The following NAV2 variants were observed in gnomAD, a reference collection of about 807,000 sequenced individuals.
The protein encoded by NAV2 is neuron navigator 2.
Under a neutral mutation model 223.2 loss-of-function variants are expected in NAV2, and 54 were observed. That is an observed-to-expected ratio of 0.24 (90% CI 0.19 to 0.30). NAV2 has a LOEUF of 0.30. NAV2 is among the 10% of genes least tolerant of loss of function. The pLI is 1.00. For missense variants in NAV2, 2,806 were observed against 3,147.5 expected, an observed-to-expected ratio of 0.89 and a Z score of 2.60; for synonymous variants, 1,279 against 1,239.3, an observed-to-expected ratio of 1.03 and a Z score of -0.67.
At chr11:19,461,892 G>GC (rs1194632318) in intron 1 of NAV2, among the ~76,000 whole-genome samples, 1 of 152,132 alleles carries the variant, frequency 6.6e-6, no homozygotes, top group Non-Finnish European at 1.5e-5. Flanking sequence ...TGCACCCTCC[G>GC]CCTCCCGGAT....
intron 24 of NAV2, among the ~76,000 whole-genome samples, 176 bp downstream of exon 24, chr11:20,078,280 A>G (rs746128813): frequency 5.3e-5 from 8 of 152,236 alleles, no homozygotes; most frequent in Admixed American, 6.5e-5. Context: ...TCTGGCCTCT[A>G]CAAAGATGGC....
upstream of NAV2, among the ~76,000 whole-genome samples, chr11:19,346,297 T>A (rs1853002368): frequency 6.6e-6 from 1 of 152,264 alleles, no homozygotes; most frequent in Admixed American, 6.5e-5. Flanking sequence ...GCCTCTTTGC[T>A]GTGCCTGTCT....
At chr11:19,415,637 AC>A (rs1177997124) in intron 1 of NAV2, among the ~76,000 whole-genome samples, 5 of 152,200 alleles carry the variant, frequency 3.3e-5, no homozygotes, top group Admixed American at 3.3e-4. Context: ...CAGAGACACA[AC>A]AAAAAAAGAA....
chr11:19,674,419 T>C (rs951611070), intron 1 of NAV2, among the ~76,000 whole-genome samples: 1 of 151,958 alleles, frequency 6.6e-6, no homozygotes, highest in African/African-American at 2.4e-5. Context: ...CAAGTAGCAA[T>C]TTTTTTTCAA....
At chr11:19,421,275 A>G (rs1019374245) in intron 1 of NAV2, among the ~76,000 whole-genome samples, 5 of 152,300 alleles carry the variant, frequency 3.3e-5, no homozygotes, top group African/African-American at 9.6e-5. Flanking sequence ...CCAGGTTCCC[A>G]TCACACAGCT....
chr11:19,525,900 C>T (rs372705171), intron 1 of NAV2, among the ~76,000 whole-genome samples: 7 of 152,110 alleles, frequency 4.6e-5, no homozygotes, highest in African/African-American at 1.7e-4. Flanking sequence ...AACCAGTCTT[C>T]AGGCTTAGGG....
chr11:19,605,681 G>A (rs772526003), intron 1 of NAV2, among the ~76,000 whole-genome samples: 28 of 152,084 alleles, frequency 1.8e-4, no homozygotes, highest in Non-Finnish European at 3.4e-4. Context: ...ATAGGCAGCC[G>A]CACTGCCTCC....
intron 1 of NAV2, among the ~76,000 whole-genome samples, chr11:19,525,217 G>T (rs1463693281): frequency 6.6e-6 from 1 of 152,224 alleles, no homozygotes; most frequent in Non-Finnish European, 1.5e-5. Flanking sequence ...CTGGGCCCCA[G>T]AGAGGTGCAC....
At chr11:19,463,479 G>A (rs554152323) in intron 1 of NAV2, among the ~76,000 whole-genome samples, 6 of 152,234 alleles carry the variant, frequency 3.9e-5, no homozygotes, top group African/African-American at 1.2e-4. Flanking sequence ...CATTCAGACA[G>A]CACTGCCAGG....
Position 20,097,858 on chromosome 11 carries a change from C to T in NAV2, c.6181+113C>T, listed in dbSNP as rs977638330. The stretch of plus-strand genomic sequence containing the variant: ...TGTTTGTGCATGTATTTGTGGGCTG[C>T]TTGTCTCCCTTCTACCACAGTTACT... On this transcript the variant is annotated intron_variant, in intron 31 of 37. Coordinates refer to ENST00000349880, the MANE Select transcript of NAV2 (RefSeq NM_145117.5). The T allele has an allele frequency of 6.5e-6, 6 of 921,356 alleles. No individual in the cohort carries two copies. In the African/African-American group the frequency reaches 1.0e-4, roughly 15 times the overall value. 57.1% of individuals were successfully genotyped at this position (921,356 alleles called of 1,614,324 possible).
intron 1 of NAV2, among the ~76,000 whole-genome samples, chr11:19,639,869 A>G (rs960658356): frequency 2.0e-5 from 3 of 152,162 alleles, no homozygotes; most frequent in African/African-American, 7.2e-5. Context: ...CCCCCCTAGA[A>G]ACTGGTAGCA....
intron 1 of NAV2, among the ~76,000 whole-genome samples, chr11:19,820,382 C>A (rs2059308630): frequency 6.6e-6 from 1 of 152,218 alleles, no homozygotes; most frequent in African/African-American, 2.4e-5. Flanking sequence ...CCTAGCAGGG[C>A]TCTGACATTT....
rs190145296 is a variant in NAV2, at chr11:20,011,410, G to A, written c.2769-24549G>A. On this transcript the variant is annotated intron_variant, in intron 11 of 37. Coordinates refer to ENST00000349880, the MANE Select transcript of NAV2 (RefSeq NM_145117.5). ...TGCTTTCCAGGTGTTTTTTGTTCAT[G>A]TAAGCACTTAGACATTTTGTTTTTT... 1.3e-3 allele frequency among the ~76,000 whole-genome samples: 203 copies of A among 152,278 alleles called. 2 individuals carry two copies. The highest frequency in any genetic ancestry group is 2.5e-3 in the Non-Finnish European group (170 of 68,016).
intron 1 of NAV2, among the ~76,000 whole-genome samples, chr11:19,555,448 G>GA (rs988798443): frequency 6.6e-6 from 1 of 152,080 alleles, no homozygotes; most frequent in African/African-American, 2.4e-5. Context: ...CCCAGACCTG[G>GA]GGGGGGCTCT....
At chr11:20,018,268 C>A (rs1235258787) in intron 11 of NAV2, among the ~76,000 whole-genome samples, 4 of 146,242 alleles carry the variant, frequency 2.7e-5, no homozygotes, top group African/African-American at 1.0e-4. Context: ...GCATGAGAAT[C>A]GCTTGAACCC....
chr11:19,583,152 G>A (rs901576317), intron 1 of NAV2, among the ~76,000 whole-genome samples: 1 of 152,168 alleles, frequency 6.6e-6, no homozygotes, highest in Non-Finnish European at 1.5e-5. Flanking sequence ...GTGAATAGGA[G>A]TTCACTCATG....
chr11:19,553,458 C>A (rs1052195439), intron 1 of NAV2, among the ~76,000 whole-genome samples: 5 of 152,070 alleles, frequency 3.3e-5, no homozygotes, highest in Admixed American at 3.3e-4. Context: ...TTGGGGATAC[C>A]CACCCAGGCC....
intron 1 of NAV2, among the ~76,000 whole-genome samples, chr11:19,404,568 T>A (rs2729915): frequency 0.82 from 124,546 of 152,086 alleles, 51,753 homozygotes; most frequent in Non-Finnish European, 0.9. Context: ...AACCCTAGGT[T>A]CTGAATAGTG....
intron 1 of NAV2, among the ~76,000 whole-genome samples, chr11:19,543,718 C>A (rs959282823): frequency 6.6e-6 from 1 of 152,196 alleles, no homozygotes. Flanking sequence ...AAATGAGATA[C>A]TCATAGCAGG....
Sources: allele counts gnomAD v4.1 joint callset (sites outside exome capture counted in the v4.1 genomes callset), GRCh38; gene constraint gnomAD v4.1.1; transcripts MANE v1.5; gene names NCBI Gene and HGNC (gene_info 2026-07-23, HGNC 2026-07-21).